DIP2B: variants seen among roughly 807,000 people sequenced by gnomAD.
DIP2B encodes the protein DIP2 acetate--CoA ligase B (putative).
A neutral mutation model predicts 198.0 loss-of-function variants in DIP2B; 76 were observed. The observed-to-expected ratio is 0.38, with a 90% CI of 0.32 to 0.46. DIP2B has a LOEUF of 0.46. Ranked by LOEUF, DIP2B falls within the 20% of genes least tolerant of loss-of-function variation. The pLI, the probability that DIP2B is intolerant of heterozygous loss-of-function variation, is 0.99. For missense variants in DIP2B, 1,559 were observed against 1,978.4 expected (o/e 0.79, Z 4.02); for synonymous variants, 701 against 739.1 (o/e 0.95, Z 0.84).
At chr12:50,614,171 C>T (rs1358960424) in intron 1 of DIP2B, among the ~76,000 whole-genome samples, 1 of 152,180 alleles carries the variant, frequency 6.6e-6, no homozygotes, top group Admixed American at 6.6e-5. Flanking sequence ...TCCTTTAAAA[C>T]TGTTCTTAAC....
rs182050471 is a variant in DIP2B, at chr12:50,638,108, G to A, written c.173-2616G>A. On this transcript the variant is annotated intron_variant, in intron 2 of 37. Transcript: ENST00000301180. ...GGATATTCTGCATAACAGACTGAAA[G>A]ATCAGAAACCCCCGAACTGAAGCTC... Among the ~76,000 whole-genome samples the A allele has an allele frequency of 1.5e-3, 225 of 152,296 alleles. 1 individual carries two copies. The highest frequency in any genetic ancestry group is 3.4e-3 in the Middle Eastern group (1 of 294).
chr12:50,694,264 G>A (rs901955791), intron 14 of DIP2B, among the ~76,000 whole-genome samples: 1 of 152,138 alleles, frequency 6.6e-6, no homozygotes, highest in Non-Finnish European at 1.5e-5. Context: ...GAGAGGCCAA[G>A]GCAGGCGAAT....
intron 25 of DIP2B, among the ~76,000 whole-genome samples, chr12:50,721,061 A>C (rs900511438): frequency 6.6e-6 from 1 of 152,064 alleles, no homozygotes; most frequent in Non-Finnish European, 1.5e-5. Flanking sequence ...CTCCCACCTC[A>C]TCCTCCCAAA....
At chr12:50,621,400 G>A (rs980906364) in intron 1 of DIP2B, among the ~76,000 whole-genome samples, 1 of 152,020 alleles carries the variant, frequency 6.6e-6, no homozygotes, top group Middle Eastern at 3.2e-3. Context: ...TCCATTCCCT[G>A]AGCCTTTCAG....
intron 21 of DIP2B, among the ~76,000 whole-genome samples, chr12:50,707,675 A>G (rs767832863): frequency 4.6e-5 from 7 of 152,156 alleles, no homozygotes; most frequent in South Asian, 2.1e-4. Flanking sequence ...ACAGGGCAAT[A>G]GATAACATGT....
chr12:50,713,641 G>A (rs146293464), intron 22 of DIP2B, among the ~76,000 whole-genome samples: 147 of 152,322 alleles, frequency 9.7e-4, no homozygotes, highest in Non-Finnish European at 1.7e-3. Flanking sequence ...AATCACTTAA[G>A]TGGGGGCTCC....
chr12:50,744,549 T>G lies in DIP2B; in HGVS notation c.4479-38T>G, dbSNP rs1319273292. The stretch of plus-strand genomic sequence containing the variant: ...GATGCTATAAAAGATAACTGAAAAA[T>G]GTAGTGACAAGTTAATGAATTGTCA... On this transcript the variant is annotated intron_variant, in intron 37 of 37. Coordinates refer to ENST00000301180, the MANE Select transcript of DIP2B (RefSeq NM_173602.3). 5 of 1,606,598 alleles carry G rather than the reference T, an allele frequency of 3.1e-6. No individual in the cohort carries two copies. The Admixed American group carries it at 8.4e-5, about 27-fold the overall frequency.
At position 50,727,720 on chromosome 12, in the gene DIP2B, A is replaced by G; in HGVS notation, c.3418A>G (p.Arg1140Gly). The G allele has an allele frequency of 6.2e-7, 1 of 1,614,098 alleles. No homozygotes were observed. The highest frequency in any genetic ancestry group is 8.5e-7 in the Non-Finnish European group (1 of 1,179,978). ...IIDTDDLPRKRLPQLYKPPTP... is the reference protein window; with the variant it reads ...IIDTDDLPRKGLPQLYKPPTP... ...CATGGCAGATGATTTACCCAGGAAA[A>G]GGTTACCTCAGCTGTATAAACCGCC... The change falls in exon 29 of 38, where the codon AGG becomes GGG. Residue 1140 changes from arginine (R) to glycine (G), a missense_variant. Transcript: ENST00000301180.
At chr12:50,513,374 G>A (rs1161831293) in intron 1 of DIP2B, among the ~76,000 whole-genome samples, 4 of 152,158 alleles carry the variant, frequency 2.6e-5, no homozygotes, top group Admixed American at 2.6e-4. Context: ...GTTTCATACA[G>A]ACATCTCGCA....
intron 25 of DIP2B, among the ~76,000 whole-genome samples, chr12:50,721,063 C>T (rs983022181): frequency 2.6e-5 from 4 of 152,142 alleles, no homozygotes; most frequent in African/African-American, 7.2e-5. Context: ...CCCACCTCAT[C>T]CTCCCAAAGT....
At chr12:50,638,353 T>G (rs1938195062) in intron 2 of DIP2B, among the ~76,000 whole-genome samples, 1 of 152,198 alleles carries the variant, frequency 6.6e-6, no homozygotes, top group African/African-American at 2.4e-5. Context: ...CCAAATACCT[T>G]TGGGATTTTT....
At chr12:50,589,366 G>T (rs972608891) in intron 1 of DIP2B, among the ~76,000 whole-genome samples, 1 of 150,352 alleles carries the variant, frequency 6.7e-6, no homozygotes, top group African/African-American at 2.4e-5. Flanking sequence ...AGCTAATTTT[G>T]TTCTATTTTT....
intron 1 of DIP2B, among the ~76,000 whole-genome samples, chr12:50,512,215 T>G (rs1466472955): frequency 3.3e-5 from 5 of 151,198 alleles, no homozygotes; most frequent in African/African-American, 1.2e-4. Context: ...CAAGTGATTC[T>G]CCTGCTTCAG....
At chr12:50,562,816 T>G (rs1009681236) in intron 1 of DIP2B, among the ~76,000 whole-genome samples, 1 of 152,136 alleles carries the variant, frequency 6.6e-6, no homozygotes, top group African/African-American at 2.4e-5. Flanking sequence ...ACTTTGTGGC[T>G]GTGATGTGTG....
At chr12:50,599,506 A>G (rs1958917730) in intron 1 of DIP2B, among the ~76,000 whole-genome samples, 1 of 152,150 alleles carries the variant, frequency 6.6e-6, no homozygotes, top group African/African-American at 2.4e-5. Context: ...TATCCCAGCT[A>G]CTTGAAAGGC....
chr12:50,671,234 C>T lies in DIP2B; in HGVS notation c.476C>T (p.Ala159Val), dbSNP rs372754841. Reference protein sequence around the residue: ...EDEGSLRRQAALSAALQQSLQ... With the variant: ...EDEGSLRRQAVLSAALQQSLQ... ...GAGGGCTCTCTGAGACGCCAAGCTG[C>T]GCTCTCTGCTGCCTTGCAACAGAGC... The change falls in exon 5 of 38, where the codon GCG becomes GTG. Residue 159 changes from alanine (A) to valine (V), a missense_variant. Coordinates refer to ENST00000301180, the MANE Select transcript of DIP2B (RefSeq NM_173602.3). The T allele has an allele frequency of 9.9e-6, 16 of 1,614,046 alleles. No individual in the cohort carries two copies. Among genetic ancestry groups the T allele is most frequent in the African/African-American group, 5.3e-5 (4 of 74,918 alleles).
At chr12:50,578,576 C>T (rs1958684824) in intron 1 of DIP2B, among the ~76,000 whole-genome samples, 2 of 140,666 alleles carry the variant, frequency 1.4e-5, no homozygotes, top group South Asian at 2.2e-4. Context: ...GGCGCAATCT[C>T]GGCTCACTGC....
At chr12:50,666,265 T>C (rs527679472) in intron 4 of DIP2B, among the ~76,000 whole-genome samples, 1 of 152,360 alleles carries the variant, frequency 6.6e-6, no homozygotes, top group East Asian at 1.9e-4. Flanking sequence ...GCCCTCAGTG[T>C]ACCAGTCAAA....
At position 50,515,411 on chromosome 12, in the gene DIP2B, A is replaced by G. The variant is rs138944308; in HGVS notation, c.100+10171A>G. 2.0e-3 allele frequency among the ~76,000 whole-genome samples: 300 copies of G among 152,100 alleles called. 2 individuals carry two copies. The highest frequency in any genetic ancestry group is 6.7e-3 in the African/African-American group (280 of 41,500). Reference sequence around the variant, plus strand: ...CACGCCCAGCTAATTTTTGTATTTTAGTAGAGATGGGGTTTCACCATGTTG... The same window carrying G: ...CACGCCCAGCTAATTTTTGTATTTTGGTAGAGATGGGGTTTCACCATGTTG... On this transcript the variant is annotated intron_variant, in intron 1 of 37. Transcript: ENST00000301180.
Sources: allele counts gnomAD v4.1 joint callset (sites outside exome capture counted in the v4.1 genomes callset), GRCh38; gene constraint gnomAD v4.1.1; transcripts MANE v1.5; gene names NCBI Gene and HGNC (gene_info 2026-07-23, HGNC 2026-07-21).